The following RGS17 variants were observed in gnomAD, a reference collection of about 807,000 sequenced individuals.
RGS17 encodes the protein regulator of G protein signaling 17.
A neutral mutation model predicts 25.5 loss-of-function variants in RGS17; 12 were observed. That is an observed-to-expected ratio of 0.47 (90% CI 0.30 to 0.76). The LOEUF (loss-of-function observed/expected upper bound fraction) is 0.76, where lower values mean the gene tolerates loss of function less well. Among genes scored for constraint, RGS17 ranks in the 30% least tolerant of loss-of-function variants. The pLI is 0.07. For synonymous variants in RGS17, 71 were observed against 76.9 expected, an observed-to-expected ratio of 0.92 and a Z score of 0.40; for missense variants, 196 against 242.2, an observed-to-expected ratio of 0.81 and a Z score of 1.27.
At chr6:153,052,086 G>A (rs934151780) in intron 1 of RGS17, among the ~76,000 whole-genome samples, 13 of 152,152 alleles carry the variant, frequency 8.5e-5, no homozygotes, top group African/African-American at 2.9e-4. Flanking sequence ...AAAGGGTGGA[G>A]GAAGAATTGC....
intron 1 of RGS17, among the ~76,000 whole-genome samples, chr6:153,106,514 CT>C (rs1294701247): frequency 2.5e-4 from 36 of 143,162 alleles, no homozygotes; most frequent in Admixed American, 1.2e-3. Context: ...ACATTCAGGA[CT>C]TTTTTTTTTT....
intron 1 of RGS17, among the ~76,000 whole-genome samples, chr6:153,121,902 T>G (rs780543318): frequency 6.6e-5 from 10 of 152,182 alleles, no homozygotes; most frequent in Non-Finnish European, 1.5e-4. Context: ...GAATTCTACC[T>G]TACGAAACCC....
At chr6:153,044,110 G>T in intron 1 of RGS17, 67 bp from the exon 2 acceptor site, 1 of 776,890 alleles carries the variant, frequency 1.3e-6, no homozygotes, top group Non-Finnish European at 2.2e-6. Context: ...TATGCTGAAG[G>T]AAGGCTCATT....
chr6:153,073,199 T>C (rs1263982919), intron 1 of RGS17, among the ~76,000 whole-genome samples: 1 of 152,220 alleles, frequency 6.6e-6, no homozygotes, highest in Admixed American at 6.5e-5. Flanking sequence ...TCACTAGAAT[T>C]ACCATAAGGA....
At chr6:153,050,847 C>A (rs188537676) in intron 1 of RGS17, among the ~76,000 whole-genome samples, 3 of 152,076 alleles carry the variant, frequency 2.0e-5, no homozygotes, top group Admixed American at 2.0e-4. Flanking sequence ...AAATGTAATC[C>A]CAAATGTAAT....
At chr6:153,062,605 A>C (rs1196514930) in intron 1 of RGS17, among the ~76,000 whole-genome samples, 2 of 152,162 alleles carry the variant, frequency 1.3e-5, no homozygotes, top group Non-Finnish European at 2.9e-5. Flanking sequence ...AATTGGGTGC[A>C]GAGATAGTAG....
At chr6:153,033,007 G>A (rs1776174076) in intron 2 of RGS17, among the ~76,000 whole-genome samples, 1 of 152,198 alleles carries the variant, frequency 6.6e-6, no homozygotes, top group Non-Finnish European at 1.5e-5. Context: ...GAGCCATCCT[G>A]AGAATGGATT....
rs530619442 is a variant in RGS17 at position 153,120,594 on chromosome 6, G to A, written c.-26+10530C>T. ...GCCCCCCTGCATGGACTGATGAAGC[G>A]CCTGTCCCATAGCACAGCTCCCGCC... On this transcript the variant is annotated intron_variant, in intron 1 of 4. Transcript: ENST00000206262. Among the ~76,000 whole-genome samples, 356 of 152,206 alleles carry A rather than the reference G, an allele frequency of 2.3e-3. 3 individuals carry two copies. The highest frequency in any genetic ancestry group is 8.1e-3 in the African/African-American group (336 of 41,530).
intron 1 of RGS17, among the ~76,000 whole-genome samples, chr6:153,055,050 G>A (rs1010039115): frequency 3.3e-5 from 5 of 152,280 alleles, no homozygotes; most frequent in Non-Finnish European, 7.4e-5. Context: ...CAGAGCAGGC[G>A]GAAGATGCAC....
At chr6:153,085,523 G>A (rs1023942154) in intron 1 of RGS17, among the ~76,000 whole-genome samples, 38 of 152,140 alleles carry the variant, frequency 2.5e-4, no homozygotes, top group African/African-American at 8.9e-4. Context: ...TTTATTACCG[G>A]TTCACACTGA....
intron 1 of RGS17, among the ~76,000 whole-genome samples, chr6:153,100,564 GA>G (rs1777286550): frequency 6.6e-6 from 1 of 151,940 alleles, no homozygotes; most frequent in South Asian, 2.1e-4. Context: ...GGAAAGGAAA[GA>G]AAAAAAGGAA....
At chr6:153,116,126 T>G (rs941798992) in intron 1 of RGS17, among the ~76,000 whole-genome samples, 1 of 152,030 alleles carries the variant, frequency 6.6e-6, no homozygotes, top group African/African-American at 2.4e-5. Flanking sequence ...ATCATCAGAG[T>G]GAACAGGCAA....
chr6:153,070,991 A>G (rs1375056028), intron 1 of RGS17, among the ~76,000 whole-genome samples: 34 of 150,614 alleles, frequency 2.3e-4, no homozygotes, highest in African/African-American at 8.0e-4. Flanking sequence ...ACATGTGTGT[A>G]TATATGTACA....
At position 153,041,497 on chromosome 6, in the gene RGS17, G is replaced by T. The variant is rs759485850; in HGVS notation, c.119+2403C>A. 7.2e-4 allele frequency among the ~76,000 whole-genome samples: 110 copies of T among 151,960 alleles called. 1 individual carries two copies. Among genetic ancestry groups the T allele is most frequent in the Admixed American group, 2.7e-3 (42 of 15,274 alleles). On this transcript the variant is annotated intron_variant, in intron 2 of 4. Transcript: ENST00000206262. Reference sequence around the variant, plus strand: ...CTCATGTGCTAATGTTAAATGTTTTGTTATTTAATGTGTCCTTTAAAAATT... The same window carrying T: ...CTCATGTGCTAATGTTAAATGTTTTTTTATTTAATGTGTCCTTTAAAAATT...
intron 1 of RGS17, among the ~76,000 whole-genome samples, chr6:153,114,880 C>T (rs1451366967): frequency 6.6e-6 from 1 of 152,056 alleles, no homozygotes; most frequent in Non-Finnish European, 1.5e-5. Context: ...AATTCAACAC[C>T]CCTTCATGCT....
At position 153,008,602 on chromosome 6, in the gene RGS17, A is replaced by C. The variant is rs1325060442; in HGVS notation, c.*2972T>G. ...ATCCTCTACTTTCTTTTATAGATAC[A>C]TCTAAAGTTAGGCACTATAGAAAGT... On this transcript the variant is annotated 3_prime_UTR_variant, in exon 5 of 5. Transcript: ENST00000206262. 6.6e-6 allele frequency: 1 copy of C among 152,240 alleles called. No individual in the cohort carries two copies. The highest frequency in any genetic ancestry group is 2.4e-5 in the African/African-American group (1 of 41,474). 9.4% of individuals were successfully genotyped at this position (152,240 alleles called of 1,614,324 possible). A position where few individuals can be genotyped will look rare whatever the true frequency, so the allele number is the denominator to read the frequency against.
intron 2 of RGS17, among the ~76,000 whole-genome samples, chr6:153,033,615 G>A (rs1391884773): frequency 6.6e-6 from 1 of 152,174 alleles, no homozygotes; most frequent in Non-Finnish European, 1.5e-5. Context: ...CTACTCAGGA[G>A]GCTGAGGCAC....
chr6:153,069,604 TAA>T lies in RGS17; in HGVS notation c.-25-25563_-25-25562del, dbSNP rs1410107252. ...ACTTAATTGTACATTTTAAAATCAC[TAA>T]AAGAGTATAATTGGATAGTTTGTAA... is the stretch of plus-strand genomic sequence containing the variant. On this transcript the variant is annotated intron_variant, in intron 1 of 4. Transcript: ENST00000206262. 3.3e-5 allele frequency among the ~76,000 whole-genome samples: 5 copies of T among 152,272 alleles called. No homozygotes were observed. The South Asian group carries it at 8.3e-4, about 25-fold the overall frequency.
intron 4 of RGS17, among the ~76,000 whole-genome samples, chr6:153,020,031 C>A (rs1462396114): frequency 7.3e-6 from 1 of 137,810 alleles, no homozygotes. Context: ...TTTAGTTTGG[C>A]CTTTTCCTTC....
Sources: allele counts gnomAD v4.1 joint callset (sites outside exome capture counted in the v4.1 genomes callset), GRCh38; gene constraint gnomAD v4.1.1; transcripts MANE v1.5; gene names NCBI Gene and HGNC (gene_info 2026-07-23, HGNC 2026-07-21).